Variants in ARFIP2 observed in about 807,000 individuals in gnomAD.
ARFIP2 encodes the protein ARF interacting protein 2.
Under a neutral mutation model 39.2 loss-of-function variants are expected in ARFIP2, and 14 were observed. That is an observed-to-expected ratio of 0.36 (90% CI 0.24 to 0.56). ARFIP2 has a LOEUF of 0.56. Among genes scored for constraint, ARFIP2 ranks in the 20% least tolerant of loss-of-function variants. The pLI is 0.85. For missense variants in ARFIP2, 305 were observed against 422.5 expected (o/e 0.72, Z 2.44); for synonymous variants, 167 against 172.4 (o/e 0.97, Z 0.24).
Position 6,480,471 on chromosome 11 carries a change from G to A in ARFIP2, c.-42-8C>T. ...ACTCTCCACCCCAGCACCCTGCAAA[G>A]CCCAACACAGAAGTTCTGGACACTG... On this transcript the variant is annotated splice_polypyrimidine_tract_variant and splice_region_variant and intron_variant, in intron 1 of 7. Transcript: ENST00000396777. 1 of 1,440,012 alleles carries A rather than the reference G, an allele frequency of 6.9e-7. No individual in the cohort carries two copies. The highest frequency in any genetic ancestry group is 2.4e-5 in the East Asian group (1 of 41,428). The allele number at this position is 1,440,012 out of a possible 1,614,324, so 89.2% of individuals were successfully genotyped here. A position where few individuals can be genotyped will look rare whatever the true frequency, so the allele number is the denominator to read the frequency against.
At position 6,478,144 on chromosome 11, in the gene ARFIP2, T is replaced by G. The variant is rs1333991826; in HGVS notation, c.592A>C (p.Thr198Pro). The change falls in exon 6 of 8, where the codon ACG becomes CCG. Residue 198 changes from threonine (T) to proline (P), a missense_variant. Thr to Pro is a conservative substitution (Grantham distance 38). This residue lies in a region of ARFIP2 where 42 missense variants were observed against 101.2 expected (regional missense o/e 0.42). Transcript: ENST00000396777. This position sits in a 1 kb window ranked among gnomAD's most constrained non-coding sequence, Gnocchi z 4.8. Reference sequence around the variant, plus strand: ...AAGAAGTTCACGGCTCCTAGCAGCGTTTCCCCATTCTTGCATAGTAGTTTC... The same window carrying G: ...AAGAAGTTCACGGCTCCTAGCAGCGGTTCCCCATTCTTGCATAGTAGTTTC... ...TQKLLCKNGETLLGAVNFFVS... is the reference protein window; with the variant it reads ...TQKLLCKNGEPLLGAVNFFVS... 1 of 1,614,084 alleles carries G rather than the reference T, an allele frequency of 6.2e-7. No individual in the cohort carries two copies. The highest frequency in any genetic ancestry group is 2.2e-5 in the East Asian group (1 of 44,874).
In ARFIP2 at chr11:6,477,062, G is replaced by T. The variant is rs956710529; in HGVS notation, c.*51C>A. 3 of 1,560,402 alleles carry T rather than the reference G, an allele frequency of 1.9e-6. No individual in the cohort carries two copies. The highest frequency in any genetic ancestry group is 2.6e-6 in the Non-Finnish European group (3 of 1,147,550). Reference sequence around the variant, plus strand: ...CCATGTCCAATCTCCCACACCCTGGGGCTGCCCTTCCCAATGTCTTTCTTG... The same window carrying T: ...CCATGTCCAATCTCCCACACCCTGGTGCTGCCCTTCCCAATGTCTTTCTTG... On this transcript the variant is annotated 3_prime_UTR_variant, in exon 8 of 8. Coordinates refer to ENST00000396777, the MANE Select transcript of ARFIP2 (RefSeq NM_001376558.2). The surrounding 1 kb of genome is among the most constrained non-coding windows in gnomAD (Gnocchi z 4.8).
At position 6,477,584 on chromosome 11, in the gene ARFIP2, C is replaced by G; in HGVS notation, c.870+134G>C. ...GGAGGGAGGGTGATCTGGAAAGGCC[C>G]AGGGGTTGAGGGGGTGAACACTCTA... On this transcript the variant is annotated intron_variant, in intron 7 of 7. Transcript: ENST00000396777. The surrounding 1 kb of genome is among the most constrained non-coding windows in gnomAD (Gnocchi z 4.8). 1 of 1,043,020 alleles carries G rather than the reference C, an allele frequency of 9.6e-7. No homozygotes were observed. Among genetic ancestry groups the G allele is most frequent in the East Asian group, 2.6e-5 (1 of 38,510 alleles). 64.6% of individuals were successfully genotyped at this position (1,043,020 alleles called of 1,614,324 possible).
At chr11:6,480,575 G>A (rs751313236) in intron 1 of ARFIP2, 112 bp from the exon 2 acceptor site, 21 of 597,026 alleles carry the variant, frequency 3.5e-5, no homozygotes, top group Middle Eastern at 5.5e-4. Context: ...CCAGCGTTTG[G>A]CCATCATTCC....
In ARFIP2 at chr11:6,477,852, T is replaced by A; in HGVS notation, c.736A>T (p.Ser246Cys). Reference protein sequence around the residue: ...DAYRTDLEELSLGPRDAGTRG... With the variant: ...DAYRTDLEELCLGPRDAGTRG... Reference sequence around the variant, plus strand: ...GTCCCTGCATCCCGGGGGCCTAGACTCAGCTCCTCTAAGTCTGTTCGGTAG... The same window carrying A: ...GTCCCTGCATCCCGGGGGCCTAGACACAGCTCCTCTAAGTCTGTTCGGTAG... The change falls in exon 7 of 8, where the codon AGT becomes TGT. Residue 246 changes from serine to cysteine, a missense_variant. This residue lies in a region of ARFIP2 where 112 missense variants were observed against 118.2 expected (regional missense o/e 0.95). Coordinates refer to ENST00000396777, the MANE Select transcript of ARFIP2 (RefSeq NM_001376558.2). The surrounding 1 kb of genome is among the most constrained non-coding windows in gnomAD (Gnocchi z 4.8). 6.2e-7 allele frequency: 1 copy of A among 1,613,914 alleles called. No homozygotes were observed. The highest frequency in any genetic ancestry group is 1.1e-5 in the South Asian group (1 of 91,078).
chr11:6,478,022 G>A lies in ARFIP2; in HGVS notation c.695+19C>T, dbSNP rs186792896. On this transcript the variant is annotated intron_variant, in intron 6 of 7. Transcript: ENST00000396777. This position sits in a 1 kb window ranked among gnomAD's most constrained non-coding sequence, Gnocchi z 4.8. ...TACCAGCCAACTCCCCAAACCCTAA[G>A]CCCTGCCAGTGCCCACACCTGGCAG... The A allele has an allele frequency of 1.6e-5, 25 of 1,612,116 alleles. 1 individual carries two copies. In the Admixed American group the frequency reaches 4.2e-4, roughly 27 times the overall value.
In ARFIP2 at chr11:6,481,237, C is replaced by T. The variant is rs949949048; in HGVS notation, c.-49G>A. On this transcript the variant is annotated 5_prime_UTR_variant, in exon 1 of 8. Coordinates refer to ENST00000396777, the MANE Select transcript of ARFIP2 (RefSeq NM_001376558.2). ...CCAAGCATGTTCCTCTCACCTCGGGCCGGGCCGCTCTTCCCCTCAGGGCGC... is the reference window on the plus strand; with the variant it reads ...CCAAGCATGTTCCTCTCACCTCGGGTCGGGCCGCTCTTCCCCTCAGGGCGC... 1.5e-5 allele frequency: 9 copies of T among 586,818 alleles called. No individual in the cohort carries two copies. The African/African-American group carries it at 1.7e-4, about 11-fold the overall frequency. 36.4% of individuals were successfully genotyped at this position (586,818 alleles called of 1,614,324 possible).
At chr11:6,479,797 G>T in intron 3 of ARFIP2, 175 bp downstream of exon 3, 1 of 651,844 alleles carries the variant, frequency 1.5e-6, no homozygotes, top group Non-Finnish European at 2.7e-6. Context: ...AAAGGGAAAT[G>T]GATGGACAAC....
At position 6,478,284 on chromosome 11, in the gene ARFIP2, G is replaced by A; in HGVS notation, c.538-86C>T. On this transcript the variant is annotated intron_variant, in intron 5 of 7. Coordinates refer to ENST00000396777, the MANE Select transcript of ARFIP2 (RefSeq NM_001376558.2). The surrounding 1 kb of genome is among the most constrained non-coding windows in gnomAD (Gnocchi z 4.8). ...AGCCCTTCATTCCCCTCCTCCCCGG[G>A]GAGGACACAGCCAGCAAAACTGGAA... 3.3e-6 allele frequency: 5 copies of A among 1,513,478 alleles called. No homozygotes were observed. The South Asian group carries it at 4.8e-5, about 15-fold the overall frequency. 93.8% of individuals were successfully genotyped at this position (1,513,478 alleles called of 1,614,324 possible). A position where few individuals can be genotyped will look rare whatever the true frequency, so the allele number is the denominator to read the frequency against.
rs1374489496 is a variant in ARFIP2, at chr11:6,476,582, A to T, written c.*531T>A. On this transcript the variant is annotated 3_prime_UTR_variant, in exon 8 of 8. Transcript: ENST00000396777. ...ATCTTCTTGGGCTCTAAGCACAATT[A>T]AACTGGGTGGGTGGGTGAGGGTAGG... is the stretch of plus-strand genomic sequence containing the variant. 1 of 154,274 alleles carries T rather than the reference A, an allele frequency of 6.5e-6. No individual in the cohort carries two copies. The highest frequency in any genetic ancestry group is 1.4e-5 in the Non-Finnish European group (1 of 69,094). 9.6% of individuals were successfully genotyped at this position (154,274 alleles called of 1,614,324 possible).
In ARFIP2 at chr11:6,481,312, T is replaced by TAGC; in HGVS notation, c.-127_-125dup. On this transcript the variant is annotated 5_prime_UTR_variant, in exon 1 of 8. Transcript: ENST00000396777. ...CGGGCTCCAGTTCCCGTCGCGATCC[T>TAGC]AGCAGCAGGTCAGGGACTCGGCGGA... 1 of 768,222 alleles carries TAGC rather than the reference T, an allele frequency of 1.3e-6. No individual in the cohort carries two copies. Among genetic ancestry groups the TAGC allele is most frequent in the Non-Finnish European group, 2.1e-6 (1 of 479,732 alleles). The allele number at this position is 768,222 out of a possible 1,614,324, so 47.6% of individuals were successfully genotyped here. A position where few individuals can be genotyped will look rare whatever the true frequency, so the allele number is the denominator to read the frequency against.
rs760802374 is a variant in ARFIP2 at position 6,479,000 on chromosome 11, CCTCCCCACACAACAGGTAT to C, written c.316-60_316-42del. 6.2e-7 allele frequency: 1 copy of C among 1,602,690 alleles called. No individual in the cohort carries two copies. Among genetic ancestry groups the C allele is most frequent in the Non-Finnish European group, 8.5e-7 (1 of 1,170,810 alleles). On this transcript the variant is annotated intron_variant, in intron 4 of 7. Transcript: ENST00000396777. This position sits in a 1 kb window ranked among gnomAD's most constrained non-coding sequence, Gnocchi z 4.8. ...GGGAATAAATCAGAGACCCTAACAGCCTCCCCACACAACAGGTATCTACCCCAGCACCCCCCAGGCTCCT... is the reference window on the plus strand; with the variant it reads ...GGGAATAAATCAGAGACCCTAACAGCCTACCCCAGCACCCCCCAGGCTCCT...
In ARFIP2 at chr11:6,477,607, C is replaced by CTA. The variant is rs3217291; in HGVS notation, c.870+109_870+110dup. On this transcript the variant is annotated intron_variant, in intron 7 of 7. Transcript: ENST00000396777. The surrounding 1 kb of genome is among the most constrained non-coding windows in gnomAD (Gnocchi z 4.8). ...CCCAGGGGTTGAGGGGGTGAACACT[C>CTA]TACTCCCCAGCTAGGCTGCATTTCC... is the stretch of plus-strand genomic sequence containing the variant. 48 of 1,270,548 alleles carry CTA rather than the reference C, an allele frequency of 3.8e-5. No individual in the cohort carries two copies. The East Asian group carries it at 1.2e-3, about 31-fold the overall frequency. 78.7% of individuals were successfully genotyped at this position (1,270,548 alleles called of 1,614,324 possible).
chr11:6,480,268 G>T, intron 2 of ARFIP2, 55 bp downstream of exon 2: 2 of 1,551,708 alleles, frequency 1.3e-6, no homozygotes, highest in South Asian at 1.1e-5. Flanking sequence ...GAGAACCTAG[G>T]ATTTATAAAT....
rs1851486052 is a variant in ARFIP2 at position 6,479,422 on chromosome 11, G to C, written c.197-164C>G. On this transcript the variant is annotated intron_variant, in intron 3 of 7. Coordinates refer to ENST00000396777, the MANE Select transcript of ARFIP2 (RefSeq NM_001376558.2). ...CTAGGAGGAACTCGGACTTTGCGCG[G>C]TGAGAACCAAATCCTGATATACATA... The C allele has an allele frequency of 4.2e-6, 6 of 1,427,380 alleles. No individual in the cohort carries two copies. In the East Asian group the frequency reaches 7.1e-5, roughly 17 times the overall value. 88.4% of individuals were successfully genotyped at this position (1,427,380 alleles called of 1,614,324 possible).
rs1851211246 is a variant in ARFIP2 at position 6,477,553 on chromosome 11, G to C, written c.870+165C>G. 1.3e-5 allele frequency among the ~76,000 whole-genome samples: 2 copies of C among 152,132 alleles called. No individual in the cohort carries two copies. Among genetic ancestry groups the C allele is most frequent in the Non-Finnish European group, 2.9e-5 (2 of 68,006 alleles). The stretch of plus-strand genomic sequence containing the variant: ...CAAATCCTCCAACAGGAAAGGGCCA[G>C]GAATTGGAGGGAGGGTGATCTGGAA... On this transcript the variant is annotated intron_variant, in intron 7 of 7. Coordinates refer to ENST00000396777, the MANE Select transcript of ARFIP2 (RefSeq NM_001376558.2). The surrounding 1 kb of genome is among the most constrained non-coding windows in gnomAD (Gnocchi z 4.8).
Position 6,479,994 on chromosome 11 carries a change from A to G in ARFIP2, c.174T>C (p.Ser58=), listed in dbSNP as rs776410655. The G allele has an allele frequency of 5.6e-6, 9 of 1,614,052 alleles. No individual in the cohort carries two copies. The highest frequency in any genetic ancestry group is 7.6e-6 in the Non-Finnish European group (9 of 1,180,038). The part of the protein sequence containing the change: ...TSIVSGGYGG[S]GDGLIPTGSG... ...TACCTGTGGGGATGAGTCCATCACC[A>G]GAGCCCCCATAGCCACCAGACACAA... Residue 58 remains serine, a synonymous_variant, in exon 3 of 8, where the codon TCT becomes TCC. Coordinates refer to ENST00000396777, the MANE Select transcript of ARFIP2 (RefSeq NM_001376558.2).
intron 3 of ARFIP2, 31 bp from the exon 4 acceptor site, chr11:6,479,289 C>A: frequency 6.2e-7 from 1 of 1,613,828 alleles, no homozygotes; most frequent in Non-Finnish European, 8.5e-7. Context: ...ACACCAGCCT[C>A]TCTCAGATAC....
rs59266898 is a variant in ARFIP2, at chr11:6,479,034, C to G, written c.316-75G>C. The G allele has an allele frequency of 5.0e-3, 7,833 of 1,580,672 alleles. 284 individuals carry two copies. The African/African-American group carries it at 0.085, about 17-fold the overall frequency. Reference sequence around the variant, plus strand: ...ACAACAGGTATCTACCCCAGCACCCCCCAGGCTCCTACTCTCAGCCACAGA... The same window carrying G: ...ACAACAGGTATCTACCCCAGCACCCGCCAGGCTCCTACTCTCAGCCACAGA... On this transcript the variant is annotated intron_variant, in intron 4 of 7. Coordinates refer to ENST00000396777, the MANE Select transcript of ARFIP2 (RefSeq NM_001376558.2).
Sources: gnomAD v4.1 joint callset for allele counts (sites outside exome capture counted in the v4.1 genomes callset) on GRCh38, gnomAD v4.1.1 for gene constraint, gnomAD v4.1.1 regional missense constraint, Gnocchi (gnomAD v3.1) non-coding constraint, MANE v1.5 for transcripts, NCBI Gene and HGNC (gene_info 2026-07-23, HGNC 2026-07-21) for gene names.